DIP2B: variants seen among roughly 807,000 people sequenced by gnomAD.
The protein encoded by DIP2B is disco-interacting protein 2 homolog B.
A neutral mutation model predicts 198.0 loss-of-function variants in DIP2B; 76 were observed. The ratio of observed to expected loss-of-function variants is 0.38; its 90% CI spans 0.32 to 0.46. The LOEUF (loss-of-function observed/expected upper bound fraction) is 0.46. Among genes scored for constraint, DIP2B ranks in the 20% least tolerant of loss-of-function variants. DIP2B has a pLI of 0.99. For synonymous variants in DIP2B, 701 were observed against 739.1 expected, an observed-to-expected ratio of 0.95 and a Z score of 0.84; for missense variants, 1,559 against 1,978.4, an observed-to-expected ratio of 0.79 and a Z score of 4.02.
In DIP2B at chr12:50,745,160, C is replaced by A; in HGVS notation, c.*321C>A. The A allele has an allele frequency of 3.3e-6, 1 of 306,180 alleles. No individual in the cohort carries two copies. 19.0% of individuals were successfully genotyped at this position (306,180 alleles called of 1,614,324 possible). Reference sequence around the variant, plus strand: ...TTATCTAATGCCATTTTAGAATTTTCTAAGGGAATTTAATGAATTCACATG... The same window carrying A: ...TTATCTAATGCCATTTTAGAATTTTATAAGGGAATTTAATGAATTCACATG... On this transcript the variant is annotated 3_prime_UTR_variant, in exon 38 of 38. Coordinates refer to ENST00000301180, the MANE Select transcript of DIP2B (RefSeq NM_173602.3).
intron 1 of DIP2B, among the ~76,000 whole-genome samples, chr12:50,608,446 A>G (rs1959002928): frequency 6.6e-6 from 1 of 151,682 alleles, no homozygotes; most frequent in Admixed American, 6.6e-5. Flanking sequence ...ACATGGAGAA[A>G]CTCTGTTTCT....
Position 50,747,923 on chromosome 12 carries a change from CCA to C in DIP2B, c.*3087_*3088del, listed in dbSNP as rs918902437. The stretch of plus-strand genomic sequence containing the variant: ...AGCATGCTAATCAGTGTCAGTGAAT[CCA>C]CAGTCTTTACTTCCTGCCTCATAAA... On this transcript the variant is annotated 3_prime_UTR_variant, in exon 38 of 38. Transcript: ENST00000301180. The C allele has an allele frequency of 9.2e-4, 141 of 152,680 alleles. 1 individual carries two copies. The highest frequency in any genetic ancestry group is 3.0e-3 in the African/African-American group (124 of 41,542). 9.5% of individuals were successfully genotyped at this position (152,680 alleles called of 1,614,324 possible).
intron 1 of DIP2B, among the ~76,000 whole-genome samples, chr12:50,590,147 C>T (rs1286131744): frequency 1.4e-5 from 2 of 147,878 alleles, no homozygotes; most frequent in African/African-American, 2.5e-5. Context: ...ATCATGTTAC[C>T]GTTTCTGGAT....
In DIP2B at chr12:50,579,041, C is replaced by T. The variant is rs190948828; in HGVS notation, c.101-46935C>T. On this transcript the variant is annotated intron_variant, in intron 1 of 37. Transcript: ENST00000301180. The stretch of plus-strand genomic sequence containing the variant: ...ACGGTAAAAGATATTGATTTTAGTA[C>T]ATCTTAATGCCTGAGTCCACATTTT... Among the ~76,000 whole-genome samples the T allele has an allele frequency of 1.1e-3, 175 of 152,232 alleles. 2 individuals are homozygous for T. Among genetic ancestry groups the T allele is most frequent in the Non-Finnish European group, 5.1e-4 (35 of 68,020 alleles).
At chr12:50,727,661 C>T in intron 28 of DIP2B, 42 bp from the exon 29 acceptor site, 1 of 1,548,748 alleles carries the variant, frequency 6.5e-7, no homozygotes, top group Non-Finnish European at 8.9e-7. Flanking sequence ...TTTCATGTTC[C>T]AGCATGTTGG....
At chr12:50,664,417 T>C (rs1226469679) in intron 4 of DIP2B, among the ~76,000 whole-genome samples, 1 of 152,208 alleles carries the variant, frequency 6.6e-6, no homozygotes, top group Non-Finnish European at 1.5e-5. Context: ...CAATCTATGG[T>C]TCTTTTAGTG....
chr12:50,717,194 C>T (rs1172993242), intron 23 of DIP2B, among the ~76,000 whole-genome samples: 1 of 151,606 alleles, frequency 6.6e-6, no homozygotes, highest in East Asian at 1.9e-4. Context: ...ATCTGCCCCC[C>T]TCTGCCTCCC....
chr12:50,617,628 G>A (rs1230706391), intron 1 of DIP2B, among the ~76,000 whole-genome samples: 1 of 151,918 alleles, frequency 6.6e-6, no homozygotes, highest in African/African-American at 2.4e-5. Flanking sequence ...GGCCAACATG[G>A]TGAAACCCTG....
At chr12:50,537,586 A>C (rs565999882) in intron 1 of DIP2B, among the ~76,000 whole-genome samples, 1 of 152,174 alleles carries the variant, frequency 6.6e-6, no homozygotes, top group Non-Finnish European at 1.5e-5. Context: ...TGGCTGTTCA[A>C]TAGGCAGTTA....
chr12:50,730,996 G>T (rs1940032556), intron 30 of DIP2B, among the ~76,000 whole-genome samples: 1 of 152,058 alleles, frequency 6.6e-6, no homozygotes, highest in Non-Finnish European at 1.5e-5. Flanking sequence ...GAAACCATAG[G>T]AATAAAATCC....
intron 1 of DIP2B, among the ~76,000 whole-genome samples, chr12:50,607,733 T>G (rs1190936340): frequency 6.6e-6 from 1 of 152,240 alleles, no homozygotes; most frequent in Non-Finnish European, 1.5e-5. Flanking sequence ...GCTCTTAGTC[T>G]GAAAACAGAG....
Position 50,504,996 on chromosome 12 carries a change from GC to G in DIP2B, c.-144del, listed in dbSNP as rs1957951260. On this transcript the variant is annotated 5_prime_UTR_variant, in exon 1 of 38. Transcript: ENST00000301180. ...GGGCCGTCGCGCTCACGTGACCTTTGCTCATGGCGGCGGCGGCGGCGGCGGC... is the reference window on the plus strand; with the variant it reads ...GGGCCGTCGCGCTCACGTGACCTTTGTCATGGCGGCGGCGGCGGCGGCGGC... 1.3e-6 allele frequency: 1 copy of G among 766,742 alleles called. No individual in the cohort carries two copies. 47.5% of individuals were successfully genotyped at this position (766,742 alleles called of 1,614,324 possible). A position where few individuals can be genotyped will look rare whatever the true frequency, so the allele number is the denominator to read the frequency against.
At chr12:50,565,101 C>T (rs531733098) in intron 1 of DIP2B, among the ~76,000 whole-genome samples, 58 of 151,858 alleles carry the variant, frequency 3.8e-4, no homozygotes, top group African/African-American at 1.3e-3. Flanking sequence ...CCTCCCGACT[C>T]AAGTGATCCT....
At chr12:50,538,163 A>G (rs1161924802) in intron 1 of DIP2B, among the ~76,000 whole-genome samples, 1 of 152,076 alleles carries the variant, frequency 6.6e-6, no homozygotes, top group Non-Finnish European at 1.5e-5. Context: ...GGATGTGTGG[A>G]AGAGGTGAGC....
chr12:50,699,490 TAGAA>T (rs1339848738), intron 19 of DIP2B, among the ~76,000 whole-genome samples: 5 of 152,146 alleles, frequency 3.3e-5, no homozygotes, highest in Non-Finnish European at 7.3e-5. Context: ...ATAAAGTGCT[TAGAA>T]AGAGCATCTG....
chr12:50,637,710 C>A (rs1938184533), intron 2 of DIP2B, among the ~76,000 whole-genome samples: 1 of 152,158 alleles, frequency 6.6e-6, no homozygotes, highest in Non-Finnish European at 1.5e-5. Flanking sequence ...AGAAGTTGAA[C>A]TATTAGGTTC....
chr12:50,653,328 C>CTTTTTTTTTTTTTTT (rs71086465), intron 3 of DIP2B, among the ~76,000 whole-genome samples: 1 of 116,296 alleles, frequency 8.6e-6, no homozygotes, highest in Non-Finnish European at 1.7e-5. Flanking sequence ...GTCTTTCTTT[C>CTTTTTTTTTTTTTTT]TTTTTTTTTT....
At chr12:50,610,527 C>G (rs1398250229) in intron 1 of DIP2B, among the ~76,000 whole-genome samples, 1 of 148,986 alleles carries the variant, frequency 6.7e-6, no homozygotes, top group African/African-American at 2.5e-5. Flanking sequence ...TTTTTGGAGA[C>G]AGAGTCTTGC....
chr12:50,716,092 C>T (rs2731434), intron 23 of DIP2B, among the ~76,000 whole-genome samples: 41,249 of 152,066 alleles, frequency 0.27, 6,350 homozygotes, highest in Non-Finnish European at 0.35. Context: ...GCAAAATTCA[C>T]TTTTTAAAAT....
Sources: allele counts gnomAD v4.1 joint callset (sites outside exome capture counted in the v4.1 genomes callset), GRCh38; gene constraint gnomAD v4.1.1; transcripts MANE v1.5; gene names NCBI Gene and HGNC (gene_info 2026-07-23, HGNC 2026-07-21).